CACNB2: variants seen among roughly 807,000 people sequenced by gnomAD.
The protein encoded by CACNB2 is calcium voltage-gated channel auxiliary subunit beta 2.
A neutral mutation model predicts 73.3 loss-of-function variants in CACNB2; 42 were observed. That is an observed-to-expected ratio of 0.57 (90% CI 0.45 to 0.74). CACNB2 has a LOEUF of 0.74. Ranked by LOEUF, CACNB2 falls within the 30% of genes least tolerant of loss-of-function variation. The pLI is 0.00. For missense variants in CACNB2, 940 were observed against 853.0 expected, an observed-to-expected ratio of 1.10 and a Z score of -1.27; for synonymous variants, 348 against 310.3, an observed-to-expected ratio of 1.12 and a Z score of -1.28.
intron 2 of CACNB2, among the ~76,000 whole-genome samples, chr10:18,298,454 A>G (rs947038279): frequency 3.3e-5 from 5 of 152,216 alleles, no homozygotes; most frequent in Non-Finnish European, 5.9e-5. Flanking sequence ...CTAGGAGAAA[A>G]TGTTGATCTA....
chr10:18,211,511 T>G (rs542641328), intron 2 of CACNB2, among the ~76,000 whole-genome samples: 4 of 152,308 alleles, frequency 2.6e-5, no homozygotes, highest in East Asian at 3.9e-4. Context: ...TGCTTCCCTT[T>G]GTGTAGCACT....
rs924288778 is a variant in CACNB2, at chr10:18,518,323, C to T, written c.805-13C>T. ...GCCTGTGAAACGTCTAAAAGCCTCT[C>T]CTCTCTCTGCAGACAGAGCACACTC... On this transcript the variant is annotated splice_polypyrimidine_tract_variant and intron_variant, in intron 7 of 13. Transcript: ENST00000324631. The T allele has an allele frequency of 1.3e-6, 2 of 1,596,966 alleles. No individual in the cohort carries two copies. The highest frequency in any genetic ancestry group is 1.1e-5 in the South Asian group (1 of 90,786).
intron 3 of CACNB2, among the ~76,000 whole-genome samples, chr10:18,488,718 T>C (rs1435032546): frequency 6.6e-6 from 1 of 152,062 alleles, no homozygotes; most frequent in African/African-American, 2.4e-5. Flanking sequence ...ATTATAACTT[T>C]CAAGTCTTCA....
At chr10:18,370,205 C>T (rs1167538948) in intron 2 of CACNB2, among the ~76,000 whole-genome samples, 2 of 152,234 alleles carry the variant, frequency 1.3e-5, no homozygotes, top group African/African-American at 2.4e-5. Context: ...TTCTACTAGA[C>T]TCCTTTCTGT....
At chr10:18,313,080 C>A (rs1377133478) in intron 2 of CACNB2, among the ~76,000 whole-genome samples, 1 of 152,066 alleles carries the variant, frequency 6.6e-6, no homozygotes, top group African/African-American at 2.4e-5. Context: ...TGACTGTGAT[C>A]ATTTTTTATA....
chr10:18,441,727 TG>T (rs2046419764), intron 3 of CACNB2, among the ~76,000 whole-genome samples: 1 of 152,128 alleles, frequency 6.6e-6, no homozygotes, highest in South Asian at 2.1e-4. Flanking sequence ...CTTGATCTCC[TG>T]GGTTCAAGCC....
At chr10:18,283,422 T>G (rs545295637) in intron 2 of CACNB2, among the ~76,000 whole-genome samples, 26 of 152,192 alleles carry the variant, frequency 1.7e-4, no homozygotes, top group African/African-American at 6.0e-4. Flanking sequence ...AACCAACCCT[T>G]ATGTCCACCA....
intron 3 of CACNB2, among the ~76,000 whole-genome samples, chr10:18,448,606 C>A (rs1244794269): frequency 6.6e-6 from 1 of 151,940 alleles, no homozygotes; most frequent in Non-Finnish European, 1.5e-5. Context: ...AGTCTCTGTT[C>A]ATCAGAAACT....
chr10:18,406,731 T>C (rs1161320749), intron 3 of CACNB2, among the ~76,000 whole-genome samples: 1 of 152,228 alleles, frequency 6.6e-6, no homozygotes, highest in African/African-American at 2.4e-5. Flanking sequence ...ATCAATGTAA[T>C]GTGCTTGAAT....
chr10:18,397,394 G>C (rs946720861), intron 2 of CACNB2, among the ~76,000 whole-genome samples: 8 of 152,140 alleles, frequency 5.3e-5, no homozygotes, highest in Non-Finnish European at 1.0e-4. Flanking sequence ...GAACCTAGGA[G>C]ACAGAGGTTA....
At chr10:18,501,007 T>C in intron 5 of CACNB2, 59 bp downstream of exon 5, 1 of 1,455,684 alleles carries the variant, frequency 6.9e-7, no homozygotes, top group South Asian at 1.1e-5. Flanking sequence ...ATCTGTGTAC[T>C]GTTGTCTGCT....
chr10:18,332,933 T>A (rs749392599), intron 2 of CACNB2, among the ~76,000 whole-genome samples: 1 of 152,144 alleles, frequency 6.6e-6, no homozygotes, highest in African/African-American at 2.4e-5. Context: ...ACCAAAAAAT[T>A]GCAAGCTATG....
intron 3 of CACNB2, among the ~76,000 whole-genome samples, chr10:18,417,367 T>C (rs2045043824): frequency 9.8e-6 from 1 of 101,568 alleles, no homozygotes; most frequent in Admixed American, 9.8e-5. Flanking sequence ...ATTCTTTTTT[T>C]TTTTTTTTTT....
chr10:18,489,154 A>G (rs2049256524), intron 3 of CACNB2, among the ~76,000 whole-genome samples: 1 of 152,006 alleles, frequency 6.6e-6, no homozygotes, highest in African/African-American at 2.4e-5. Context: ...TATACTAAAA[A>G]TACAAAAAAT....
intron 2 of CACNB2, among the ~76,000 whole-genome samples, chr10:18,264,383 G>A (rs1389921874): frequency 6.6e-6 from 1 of 152,164 alleles, no homozygotes; most frequent in African/African-American, 2.4e-5. Context: ...TAACATACAT[G>A]CAGAAAAGTG....
intron 2 of CACNB2, among the ~76,000 whole-genome samples, chr10:18,327,324 A>G (rs917198236): frequency 6.6e-5 from 10 of 152,116 alleles, no homozygotes; most frequent in Non-Finnish European, 1.3e-4. Flanking sequence ...ATTTCTATTT[A>G]TTTCTTCAGC....
At position 18,487,941 on chromosome 10, in the gene CACNB2, G is replaced by A. The variant is rs533162709; in HGVS notation, c.334-10414G>A. Among the ~76,000 whole-genome samples, 6 of 151,846 alleles carry A rather than the reference G, an allele frequency of 4.0e-5. 1 individual carries two copies. The highest frequency in any genetic ancestry group is 4.2e-4 in the South Asian group (2 of 4,796). ...GGAAACACTGAAAGGCTGCTGCAGCGACCCTAGTTTTACAGAGGGAATAAA... is the reference window on the plus strand; with the variant it reads ...GGAAACACTGAAAGGCTGCTGCAGCAACCCTAGTTTTACAGAGGGAATAAA... On this transcript the variant is annotated intron_variant, in intron 3 of 13. Transcript: ENST00000324631.
At chr10:18,353,370 G>T (rs916631784) in intron 2 of CACNB2, among the ~76,000 whole-genome samples, 2 of 151,262 alleles carry the variant, frequency 1.3e-5, no homozygotes, top group Non-Finnish European at 2.9e-5. Flanking sequence ...AGATTGTGCT[G>T]CTGCACTCTA....
chr10:18,495,524 A>T (rs968714410), intron 3 of CACNB2, among the ~76,000 whole-genome samples: 1 of 151,002 alleles, frequency 6.6e-6, no homozygotes, highest in Non-Finnish European at 1.5e-5. Flanking sequence ...CGGCCAAAAT[A>T]TATTTTTAAA....
Sources: gnomAD v4.1 joint callset for allele counts (sites outside exome capture counted in the v4.1 genomes callset) on GRCh38, gnomAD v4.1.1 for gene constraint, MANE v1.5 for transcripts, NCBI Gene and HGNC (gene_info 2026-07-23, HGNC 2026-07-21) for gene names.